ARHGAP12: variants seen among roughly 807,000 people sequenced by gnomAD.
ARHGAP12 encodes Rho GTPase activating protein 12.
ARHGAP12 carries 64 observed loss-of-function variants against 108.6 expected under a neutral mutation model. The observed-to-expected ratio is 0.59, with a 90% CI of 0.48 to 0.73. ARHGAP12 has a LOEUF of 0.73. ARHGAP12 is among the 30% of genes least tolerant of loss of function. The probability of loss-of-function intolerance (pLI) is 0.00; values close to 1 mark genes in which losing one functional copy is unlikely to be tolerated. For synonymous variants in ARHGAP12, 312 were observed against 337.2 expected (o/e 0.93, Z 0.82); for missense variants, 940 against 1,005.9 (o/e 0.93, Z 0.89).
At chr10:31,904,909 T>C (rs1441659888) in intron 3 of ARHGAP12, among the ~76,000 whole-genome samples, 1 of 152,038 alleles carries the variant, frequency 6.6e-6, no homozygotes, top group African/African-American at 2.4e-5. Flanking sequence ...ATTACAAGCA[T>C]GTGCCACCAC....
intron 3 of ARHGAP12, among the ~76,000 whole-genome samples, chr10:31,894,142 T>C (rs931900639): frequency 2.0e-5 from 3 of 152,214 alleles, no homozygotes; most frequent in Non-Finnish European, 4.4e-5. Flanking sequence ...GCCAATATCA[T>C]AGTGAATGGG....
At chr10:31,903,885 A>T (rs553434413) in intron 3 of ARHGAP12, among the ~76,000 whole-genome samples, 1 of 152,242 alleles carries the variant, frequency 6.6e-6, no homozygotes, top group African/African-American at 2.4e-5. Context: ...TACCCATTAG[A>T]GAAATGCACA....
At chr10:31,828,704 T>TC (rs914315483) in intron 10 of ARHGAP12, among the ~76,000 whole-genome samples, 1 of 152,146 alleles carries the variant, frequency 6.6e-6, no homozygotes, top group Non-Finnish European at 1.5e-5. Context: ...CATTTTTTTT[T>TC]CCTGGAACCC....
rs1391368699 is a variant in ARHGAP12 at position 31,805,908 on chromosome 10, A to G, written c.*1750T>C. 6.6e-6 allele frequency: 1 copy of G among 152,166 alleles called. No homozygotes were observed. The highest frequency in any genetic ancestry group is 2.4e-5 in the African/African-American group (1 of 41,448). 9.4% of individuals were successfully genotyped at this position (152,166 alleles called of 1,614,324 possible). On this transcript the variant is annotated 3_prime_UTR_variant, in exon 20 of 20. Transcript: ENST00000344936. ...CCACCCGAAACAATCTGCTTTAGCT[A>G]TCAAGTAGTTTGGTTTGTTATCAAT...
At chr10:31,840,152 A>T (rs947226414) in intron 7 of ARHGAP12, among the ~76,000 whole-genome samples, 1 of 152,100 alleles carries the variant, frequency 6.6e-6, no homozygotes, top group African/African-American at 2.4e-5. Flanking sequence ...CCAGAATGAG[A>T]ATTTAATTTT....
chr10:31,881,383 A>C (rs1837951925), intron 3 of ARHGAP12, among the ~76,000 whole-genome samples: 1 of 152,186 alleles, frequency 6.6e-6, no homozygotes. Context: ...CACAAAAAAA[A>C]CATAAAATAT....
Position 31,861,566 on chromosome 10 carries a change from A to T in ARHGAP12, c.777T>A (p.Leu259=), listed in dbSNP as rs745836250. The T allele has an allele frequency of 1.9e-6, 3 of 1,614,158 alleles. No homozygotes were observed. The highest frequency in any genetic ancestry group is 2.5e-6 in the Non-Finnish European group (3 of 1,180,020). Residue 259 remains leucine (L), a synonymous_variant, in exon 4 of 20, where the codon CTT becomes CTA. Coordinates refer to ENST00000344936, the MANE Select transcript of ARHGAP12 (RefSeq NM_018287.7). Reference sequence around the variant, plus strand: ...TAATCTGAATTGCCGGGCTCCCAGGAAGTGGGGGAAGAGCAGACTGGGATA... The same window carrying T: ...TAATCTGAATTGCCGGGCTCCCAGGTAGTGGGGGAAGAGCAGACTGGGATA... ...LKISQSALPP[L]PGSPAIQING...
At chr10:31,820,542 A>T in intron 11 of ARHGAP12, 54 bp from the exon 12 acceptor site, 1 of 1,013,814 alleles carries the variant, frequency 9.9e-7, no homozygotes, top group East Asian at 2.8e-5. Flanking sequence ...ATATATGTGT[A>T]TTCAAAAATA....
intron 5 of ARHGAP12, 21 bp downstream of exon 5, chr10:31,854,045 G>C: frequency 6.3e-7 from 1 of 1,592,460 alleles, no homozygotes; most frequent in South Asian, 1.2e-5. Context: ...AAAAACACTA[G>C]ATGAGAAAAA....
chr10:31,920,755 G>C (rs1214406295), intron 1 of ARHGAP12, among the ~76,000 whole-genome samples: 1 of 152,148 alleles, frequency 6.6e-6, no homozygotes, highest in African/African-American at 2.4e-5. Context: ...GTTAGTGAGA[G>C]TGCTAAATAG....
chr10:31,897,419 T>C (rs1437417886), intron 3 of ARHGAP12, among the ~76,000 whole-genome samples: 3 of 152,070 alleles, frequency 2.0e-5, no homozygotes, highest in South Asian at 2.1e-4. Flanking sequence ...CCCCATACTT[T>C]ACCACCACTC....
intron 3 of ARHGAP12, among the ~76,000 whole-genome samples, chr10:31,899,553 A>G (rs1411902944): frequency 9.2e-5 from 14 of 152,246 alleles, no homozygotes; most frequent in Non-Finnish European, 1.5e-4. Flanking sequence ...TCAATGGAAC[A>G]GAATAAAAAG....
At chr10:31,909,907 A>T (rs1839277971) in intron 2 of ARHGAP12, among the ~76,000 whole-genome samples, 1 of 152,042 alleles carries the variant, frequency 6.6e-6, no homozygotes. Context: ...AAATAAAAAG[A>T]AAAAAAGGAG....
intron 1 of ARHGAP12, among the ~76,000 whole-genome samples, chr10:31,914,267 CTA>C (rs1260091099): frequency 6.6e-6 from 1 of 152,064 alleles, no homozygotes; most frequent in African/African-American, 2.4e-5. Context: ...AGCATTTCCC[CTA>C]TGTTTTCTTT....
chr10:31,857,023 T>C (rs1353166872), intron 4 of ARHGAP12, among the ~76,000 whole-genome samples: 1 of 152,210 alleles, frequency 6.6e-6, no homozygotes, highest in Non-Finnish European at 1.5e-5. Flanking sequence ...GTATTGTGGT[T>C]TTGCTGGAAC....
At chr10:31,912,889 T>C (rs1396969253) in intron 1 of ARHGAP12, among the ~76,000 whole-genome samples, 1 of 152,232 alleles carries the variant, frequency 6.6e-6, no homozygotes, top group East Asian at 1.9e-4. Flanking sequence ...AAACTTATTA[T>C]AAATTATTCA....
At chr10:31,918,315 TCACACACACA>T (rs58245483) in intron 1 of ARHGAP12, among the ~76,000 whole-genome samples, 30,605 of 139,984 alleles carry the variant, frequency 0.22, 3,713 homozygotes, top group Non-Finnish European at 0.3. Flanking sequence ...ATTAGGGAAA[TCACACACACA>T]CACACACACA....
At position 31,807,743 on chromosome 10, in the gene ARHGAP12, G is replaced by A. The variant is rs765616066; in HGVS notation, c.2456C>T (p.Thr819Ile). ...GPTLLKPEKE[T>I]GNIAVHTVYQ... ...CACAGTATGAACTGCTATATTACCA[G>A]TCTCTTTTTCTGGTTTTAATAGAGT... Residue 819 changes from threonine to isoleucine, a missense_variant, in exon 20 of 20, where the codon ACT (threonine) becomes ATT (isoleucine). Thr to Ile is a moderately conservative substitution (Grantham distance 89). Transcript: ENST00000344936. 6.2e-7 allele frequency: 1 copy of A among 1,606,946 alleles called. No individual in the cohort carries two copies. The highest frequency in any genetic ancestry group is 2.2e-5 in the East Asian group (1 of 44,522).
At chr10:31,861,693 A>G (rs998249900) in intron 3 of ARHGAP12, 35 bp from the exon 4 acceptor site, 1 of 1,545,552 alleles carries the variant, frequency 6.5e-7, no homozygotes, top group African/African-American at 1.4e-5. Context: ...TCATGTTTAA[A>G]CTGGTATAAC....
Sources: gnomAD v4.1 joint callset for allele counts (sites outside exome capture counted in the v4.1 genomes callset) on GRCh38, gnomAD v4.1.1 for gene constraint, MANE v1.5 for transcripts, NCBI Gene and HGNC (gene_info 2026-07-23, HGNC 2026-07-21) for gene names.